PHKB: variants seen among roughly 807,000 people sequenced by gnomAD.
The protein encoded by PHKB is phosphorylase kinase regulatory subunit beta, also known as phosphorylase b kinase regulatory subunit beta.
PHKB carries 122 observed loss-of-function variants against 152.1 expected under a neutral mutation model. The observed-to-expected ratio is 0.80, with a 90% CI of 0.69 to 0.93. The LOEUF is 0.93. Ranked by LOEUF, PHKB falls within the 40% of genes least tolerant of loss-of-function variation. The pLI is 0.00. For synonymous variants in PHKB, 436 were observed against 464.9 expected, an observed-to-expected ratio of 0.94 and a Z score of 0.80; for missense variants, 1,304 against 1,328.4, an observed-to-expected ratio of 0.98 and a Z score of 0.29.
At chr16:47,483,039 T>A (rs551204042) in intron 1 of PHKB, among the ~76,000 whole-genome samples, 5 of 138,750 alleles carry the variant, frequency 3.6e-5, no homozygotes, top group African/African-American at 5.3e-5. Context: ...AATTTCTTTT[T>A]TTTTTTTTTT....
chr16:47,520,132 TA>T (rs1431715846), intron 6 of PHKB, among the ~76,000 whole-genome samples: 1 of 152,210 alleles, frequency 6.6e-6, no homozygotes, highest in Non-Finnish European at 1.5e-5. Context: ...TTAGAGGCAT[TA>T]TAAGGTATTC....
intron 10 of PHKB, among the ~76,000 whole-genome samples, chr16:47,589,879 G>A (rs1971998298): frequency 6.6e-6 from 1 of 152,106 alleles, no homozygotes; most frequent in Non-Finnish European, 1.5e-5. Context: ...CCACCTCCTG[G>A]GTTCAAGCAA....
chr16:47,682,718 G>A (rs1172453998), intron 26 of PHKB, among the ~76,000 whole-genome samples: 1 of 152,102 alleles, frequency 6.6e-6, no homozygotes, highest in Non-Finnish European at 1.5e-5. Context: ...ATTTCCTCCT[G>A]TAGCTCGGAG....
intron 7 of PHKB, among the ~76,000 whole-genome samples, chr16:47,558,600 A>G (rs1248062787): frequency 2.6e-5 from 4 of 152,126 alleles, no homozygotes; most frequent in African/African-American, 9.7e-5. Flanking sequence ...CTCTGGCTGG[A>G]GTGCAGTGGT....
intron 1 of PHKB, among the ~76,000 whole-genome samples, chr16:47,484,309 T>C (rs1970014354): frequency 6.6e-6 from 1 of 152,242 alleles, no homozygotes. Context: ...CAAATTTTGC[T>C]TCCTTTTTAT....
intron 7 of PHKB, among the ~76,000 whole-genome samples, chr16:47,559,157 A>C (rs1293570972): frequency 6.6e-6 from 1 of 152,200 alleles, no homozygotes; most frequent in Non-Finnish European, 1.5e-5. Context: ...ATTCTTAAGG[A>C]AGAAAGCAAG....
chr16:47,499,250 C>G (rs1251913145), intron 2 of PHKB, among the ~76,000 whole-genome samples: 1 of 152,142 alleles, frequency 6.6e-6, no homozygotes, highest in Non-Finnish European at 1.5e-5. Context: ...ATCAGTGAAA[C>G]ACAGGATTCC....
intron 1 of PHKB, among the ~76,000 whole-genome samples, chr16:47,464,594 G>T (rs1481618209): frequency 6.6e-6 from 1 of 152,088 alleles, no homozygotes; most frequent in Non-Finnish European, 1.5e-5. Flanking sequence ...CTCTTCAGAC[G>T]TGTGCACAGG....
At chr16:47,648,447 A>T in intron 16 of PHKB, 86 bp from the exon 17 acceptor site, 1 of 969,604 alleles carries the variant, frequency 1.0e-6, no homozygotes, top group Non-Finnish European at 1.7e-6. Flanking sequence ...CTCTGGAAAG[A>T]TCAAAAATTA....
chr16:47,613,858 T>C (rs995978865), intron 14 of PHKB, among the ~76,000 whole-genome samples: 13 of 152,204 alleles, frequency 8.5e-5, no homozygotes, highest in African/African-American at 3.1e-4. Context: ...AAAATTGAAC[T>C]GTACCTAACC....
intron 1 of PHKB, among the ~76,000 whole-genome samples, chr16:47,485,653 C>G (rs183846333): frequency 1.3e-5 from 2 of 152,318 alleles, no homozygotes; most frequent in Admixed American, 6.5e-5. Flanking sequence ...TAAGGTCTCA[C>G]TCTGTCGCCA....
intron 1 of PHKB, among the ~76,000 whole-genome samples, chr16:47,483,452 T>A (rs1459457074): frequency 1.3e-5 from 2 of 152,178 alleles, no homozygotes; most frequent in African/African-American, 4.8e-5. Context: ...CTTAGAAGTT[T>A]GGAATTTTAA....
At chr16:47,515,160 T>C (rs1970574808) in intron 5 of PHKB, among the ~76,000 whole-genome samples, 1 of 152,230 alleles carries the variant, frequency 6.6e-6, no homozygotes. Flanking sequence ...AGAAGTACTT[T>C]AGACCCAAAG....
chr16:47,544,248 T>G (rs1017955253), intron 6 of PHKB, among the ~76,000 whole-genome samples: 2 of 152,156 alleles, frequency 1.3e-5, no homozygotes, highest in Non-Finnish European at 2.9e-5. Flanking sequence ...TCCCTCTACA[T>G]ACTGCTTTAA....
chr16:47,590,813 C>G (rs568730083), intron 10 of PHKB: 1 of 152,342 alleles, frequency 6.6e-6, no homozygotes, highest in East Asian at 1.9e-4. Flanking sequence ...GCTGTCGGTT[C>G]TTGTCAGTCC....
rs149072146 is a variant in PHKB at position 47,627,229 on chromosome 16, G to A, written c.1459-13806G>A. Among the ~76,000 whole-genome samples the A allele has an allele frequency of 8.5e-4, 130 of 152,146 alleles. 1 individual carries two copies. The highest frequency in any genetic ancestry group is 3.0e-3 in the African/African-American group (123 of 41,492). ...CCTGTTGTGTTTCTATGGCGTTCTC[G>A]TCATTTGTTCTTCCCCTTTGTCATG... On this transcript the variant is annotated intron_variant, in intron 14 of 30. Transcript: ENST00000323584.
At chr16:47,570,236 A>G (rs1405220641) in intron 7 of PHKB, among the ~76,000 whole-genome samples, 1 of 152,182 alleles carries the variant, frequency 6.6e-6, no homozygotes, top group Non-Finnish European at 1.5e-5. Flanking sequence ...TTGGCTTTAG[A>G]TAGCCTGATG....
chr16:47,601,200 G>C (rs1445475769), intron 13 of PHKB, among the ~76,000 whole-genome samples: 1 of 152,190 alleles, frequency 6.6e-6, no homozygotes, highest in Non-Finnish European at 1.5e-5. Context: ...CTGGGCAATA[G>C]AGTGAGACCC....
chr16:47,507,917 A>C (rs537180359), intron 4 of PHKB, among the ~76,000 whole-genome samples: 27 of 152,304 alleles, frequency 1.8e-4, no homozygotes, highest in Middle Eastern at 3.4e-3. Flanking sequence ...TGCAAGAGGA[A>C]ATATAAACAT....
Sources: allele counts gnomAD v4.1 joint callset (sites outside exome capture counted in the v4.1 genomes callset), GRCh38; gene constraint gnomAD v4.1.1; transcripts MANE v1.5; gene names NCBI Gene and HGNC (gene_info 2026-07-23, HGNC 2026-07-21).